PLCXD2: variants seen among roughly 807,000 people sequenced by gnomAD.
The protein encoded by PLCXD2 is phosphatidylinositol specific phospholipase C X domain containing 2, also known as PI-PLC X domain-containing protein 2.
A neutral mutation model predicts 28.6 loss-of-function variants in PLCXD2; 21 were observed. The ratio of observed to expected loss-of-function variants is 0.73; its 90% CI spans 0.52 to 1.06. The LOEUF (loss-of-function observed/expected upper bound fraction) is 1.06. PLCXD2 is among the 50% of genes least tolerant of loss of function. PLCXD2 has a pLI of 0.00. For synonymous variants in PLCXD2, 140 were observed against 150.1 expected, an observed-to-expected ratio of 0.93 and a Z score of 0.49; for missense variants, 369 against 376.7, an observed-to-expected ratio of 0.98 and a Z score of 0.17.
At chr3:111,692,886 T>A (rs945233704) in intron 1 of PLCXD2, among the ~76,000 whole-genome samples, 3 of 152,230 alleles carry the variant, frequency 2.0e-5, no homozygotes, top group African/African-American at 7.2e-5. Context: ...AAGGGAGATA[T>A]CATTATTTAT....
intron 3 of PLCXD2, among the ~76,000 whole-genome samples, chr3:111,714,735 G>A (rs545164380): frequency 5.3e-5 from 8 of 152,318 alleles, no homozygotes; most frequent in African/African-American, 1.9e-4. Context: ...ATGTTCTCAA[G>A]AAAAAGGATG....
At position 111,675,332 on chromosome 3, in the gene PLCXD2, G is replaced by C. The variant is rs61757727; in HGVS notation, c.87G>C (p.Glu29Asp). 6.2e-7 allele frequency: 1 copy of C among 1,614,070 alleles called. No homozygotes were observed. Among genetic ancestry groups the C allele is most frequent in the South Asian group, 1.1e-5 (1 of 91,080 alleles). ...CCAGCGGGACAAAGACATCATCGGA[G>C]GTCTGCAATGCCGACTGGATGGCCT... Residue 29 changes from glutamate (E) to aspartate (D), a missense_variant, in exon 1 of 5, where the codon GAG (glutamate) becomes GAC (aspartate). By Grantham distance (45) the Glu-to-Asp change is conservative. Transcript: ENST00000477665.
At chr3:111,691,713 G>A (rs551271859) in intron 1 of PLCXD2, among the ~76,000 whole-genome samples, 83 of 152,288 alleles carry the variant, frequency 5.5e-4, no homozygotes, top group African/African-American at 1.9e-3. Context: ...GAGTATCTTT[G>A]TGTGCACTGA....
intron 1 of PLCXD2, among the ~76,000 whole-genome samples, chr3:111,693,254 T>A (rs1048473527): frequency 1.3e-5 from 2 of 152,172 alleles, no homozygotes; most frequent in Non-Finnish European, 2.9e-5. Context: ...AGTAATCTGT[T>A]ACCTTTAAAT....
chr3:111,699,465 T>G (rs1941010336), intron 1 of PLCXD2, among the ~76,000 whole-genome samples: 1 of 152,170 alleles, frequency 6.6e-6, no homozygotes, highest in African/African-American at 2.4e-5. Context: ...ATTTGAGATC[T>G]CTAATCCCCA....
intron 1 of PLCXD2, among the ~76,000 whole-genome samples, chr3:111,700,088 C>T (rs1043912860): frequency 2.6e-5 from 4 of 152,128 alleles, no homozygotes; most frequent in African/African-American, 7.2e-5. Context: ...TGTCAGCTTC[C>T]GTCCCAGAGA....
At chr3:111,724,410 C>G (rs566354484) in intron 3 of PLCXD2, 3 of 152,006 alleles carry the variant, frequency 2.0e-5, no homozygotes, top group Non-Finnish European at 4.4e-5. Context: ...TCTTAGGAAT[C>G]CTAGTTCTTT....
At chr3:111,690,918 G>A (rs1011107588) in intron 1 of PLCXD2, among the ~76,000 whole-genome samples, 2 of 152,102 alleles carry the variant, frequency 1.3e-5, no homozygotes, top group Non-Finnish European at 2.9e-5. Context: ...CCATTAAAAT[G>A]ACCCACAAAA....
chr3:111,687,866 T>C (rs935713222), intron 1 of PLCXD2, among the ~76,000 whole-genome samples: 7 of 152,062 alleles, frequency 4.6e-5, no homozygotes, highest in African/African-American at 1.2e-4. Context: ...TTTTTATTTC[T>C]AGTAGAGACC....
chr3:111,719,234 T>C (rs1941313556), intron 3 of PLCXD2, among the ~76,000 whole-genome samples: 1 of 151,972 alleles, frequency 6.6e-6, no homozygotes, highest in Admixed American at 6.5e-5. Flanking sequence ...AGAAAAAAAA[T>C]GGACAAATTA....
At chr3:111,706,146 A>G (rs1198841294) in intron 1 of PLCXD2, among the ~76,000 whole-genome samples, 1 of 152,202 alleles carries the variant, frequency 6.6e-6, no homozygotes, top group Non-Finnish European at 1.5e-5. Flanking sequence ...CTCATGAGCT[A>G]CCATGCCCAT....
chr3:111,675,225 G>T lies in PLCXD2; in HGVS notation c.-21G>T, dbSNP rs142349720. 35 of 1,609,778 alleles carry T rather than the reference G, an allele frequency of 2.2e-5. No individual in the cohort carries two copies. In the African/African-American group the frequency reaches 4.4e-4, roughly 20 times the overall value. ...AGTGAGTGGCACTGGGCTGAGACTG[G>T]CCAGTTTGTTAACAACAGGGATGCT... On this transcript the variant is annotated 5_prime_UTR_variant, in exon 1 of 5. Coordinates refer to ENST00000477665, the MANE Select transcript of PLCXD2 (RefSeq NM_001185106.1).
chr3:111,687,729 C>G (rs1006325780), intron 1 of PLCXD2, among the ~76,000 whole-genome samples: 1 of 150,808 alleles, frequency 6.6e-6, no homozygotes. Context: ...CTCTGTCACC[C>G]AAGCTGGAGT....
chr3:111,723,978 C>T (rs1941381905), intron 3 of PLCXD2: 1 of 152,118 alleles, frequency 6.6e-6, no homozygotes, highest in Non-Finnish European at 1.5e-5. Flanking sequence ...TACAACTGAG[C>T]TATTCATGAG....
chr3:111,699,085 G>C (rs1056047656), intron 1 of PLCXD2, among the ~76,000 whole-genome samples: 6 of 152,154 alleles, frequency 3.9e-5, no homozygotes, highest in Non-Finnish European at 4.4e-5. Flanking sequence ...AGAGACAGGA[G>C]GACCTAAGGG....
chr3:111,706,449 C>A (rs558021698), intron 1 of PLCXD2, among the ~76,000 whole-genome samples: 11 of 152,116 alleles, frequency 7.2e-5, no homozygotes, highest in Admixed American at 2.0e-4. Context: ...TTGCCTAGAC[C>A]AATGTCTTGA....
intron 1 of PLCXD2, among the ~76,000 whole-genome samples, chr3:111,705,009 G>T (rs930943448): frequency 2.0e-5 from 3 of 151,882 alleles, no homozygotes; most frequent in African/African-American, 7.3e-5. Flanking sequence ...TAGAGACAGG[G>T]TTTCATCATA....
At chr3:111,726,100 C>T in intron 3 of PLCXD2, 1 of 380,148 alleles carries the variant, frequency 2.6e-6, no homozygotes, top group Middle Eastern at 6.7e-4. Flanking sequence ...ATTCAAATAG[C>T]AGGGGCTTGC....
chr3:111,696,126 G>C (rs2175748), intron 1 of PLCXD2, among the ~76,000 whole-genome samples: 151,795 of 152,326 alleles, frequency 1, 75,635 homozygotes, highest in Middle Eastern at 1. Context: ...TCTCATTTTC[G>C]TCCTTCAGAG....
Sources: allele counts gnomAD v4.1 joint callset (sites outside exome capture counted in the v4.1 genomes callset), GRCh38; gene constraint gnomAD v4.1.1; transcripts MANE v1.5; gene names NCBI Gene and HGNC (gene_info 2026-07-23, HGNC 2026-07-21).